The following TRIM2 variants were observed in gnomAD, a reference collection of about 807,000 sequenced individuals.
TRIM2 encodes tripartite motif containing 2, also known as tripartite motif-containing protein 2.
A neutral mutation model predicts 75.2 loss-of-function variants in TRIM2; 20 were observed. That is an observed-to-expected ratio of 0.27 (90% CI 0.19 to 0.39). The LOEUF (loss-of-function observed/expected upper bound fraction) is 0.39, where lower values mean the gene tolerates loss of function less well. Among genes scored for constraint, TRIM2 ranks in the 10% least tolerant of loss-of-function variants. The probability of loss-of-function intolerance (pLI) is 1.00; values close to 1 mark genes in which losing one functional copy is unlikely to be tolerated. For missense variants in TRIM2, 660 were observed against 990.8 expected (o/e 0.67, Z 4.48); for synonymous variants, 373 against 388.3 (o/e 0.96, Z 0.46).
intron 4 of TRIM2, 90 bp downstream of exon 4, chr4:153,293,223 T>C: frequency 7.5e-7 from 1 of 1,330,488 alleles, no homozygotes; most frequent in South Asian, 1.7e-5. Flanking sequence ...AGTAGGTTCA[T>C]ATTTCCCTTG....
intron 6 of TRIM2, 33 bp downstream of exon 6, chr4:153,296,069 G>T: frequency 6.6e-7 from 1 of 1,511,308 alleles, no homozygotes; most frequent in South Asian, 1.4e-5. Context: ...CGACGCCTGA[G>T]CTGGCACTGG....
At position 153,295,395 on chromosome 4, in the gene TRIM2, A is replaced by T; in HGVS notation, c.869A>T (p.Asn290Ile). 1 of 1,614,178 alleles carries T rather than the reference A, an allele frequency of 6.2e-7. No individual in the cohort carries two copies. Among genetic ancestry groups the T allele is most frequent in the Non-Finnish European group, 8.5e-7 (1 of 1,180,000 alleles). The change falls in exon 6 of 12, where the codon AAC (asparagine) becomes ATC (isoleucine). Residue 290 changes from asparagine to isoleucine, a missense_variant. This residue lies in a region of TRIM2 where 620 missense variants were observed against 891.0 expected (regional missense o/e 0.70). Transcript: ENST00000338700. This position sits in a 1 kb window ranked among gnomAD's most constrained non-coding sequence, Gnocchi z 7.2. ...SCSNFTAQAL[N>I]HGTETEVLLV... ...AGCAACTTCACAGCGCAGGCCCTCA[A>T]CCATGGCACGGAGACCGAGGTCCTA...
chr4:153,318,318 G>A lies in TRIM2; in HGVS notation c.1782+2319G>A, dbSNP rs148803190. ...TCATTGTTTTAATGAAATGAGTTACGTAATTGTGAAACTCTCAGATTTGAG... is the reference window on the plus strand; with the variant it reads ...TCATTGTTTTAATGAAATGAGTTACATAATTGTGAAACTCTCAGATTTGAG... On this transcript the variant is annotated intron_variant, in intron 8 of 11. Coordinates refer to ENST00000338700, the MANE Select transcript of TRIM2 (RefSeq NM_015271.5). 7.3e-3 allele frequency among the ~76,000 whole-genome samples: 1,116 copies of A among 152,326 alleles called. 15 individuals are homozygous for A. The highest frequency in any genetic ancestry group is 9.7e-3 in the Non-Finnish European group (659 of 68,034).
At chr4:153,211,959 C>A (rs1296674015) in intron 1 of TRIM2, among the ~76,000 whole-genome samples, 2 of 152,138 alleles carry the variant, frequency 1.3e-5, no homozygotes, top group African/African-American at 4.8e-5. Context: ...CATCTTTTCC[C>A]CGGTAGATGG....
chr4:153,168,411 G>A (rs1730521307), intron 1 of TRIM2, among the ~76,000 whole-genome samples: 1 of 152,106 alleles, frequency 6.6e-6, no homozygotes, highest in African/African-American at 2.4e-5. Context: ...TGATTTCTCT[G>A]TGGTAGGATG....
intron 1 of TRIM2, among the ~76,000 whole-genome samples, chr4:153,213,553 A>G (rs1233696855): frequency 6.6e-6 from 1 of 152,132 alleles, no homozygotes; most frequent in East Asian, 1.9e-4. Flanking sequence ...TTTGAGACAG[A>G]GTCTCGCTCT....
intron 1 of TRIM2, among the ~76,000 whole-genome samples, chr4:153,214,495 A>G (rs2149723708): frequency 6.6e-6 from 1 of 152,360 alleles, no homozygotes; most frequent in East Asian, 1.9e-4. Context: ...ATCTTGGAAC[A>G]AAAGAAACAA....
intron 11 of TRIM2, among the ~76,000 whole-genome samples, 192 bp downstream of exon 11, chr4:153,328,862 A>G (rs1038982736): frequency 6.6e-6 from 1 of 152,192 alleles, no homozygotes; most frequent in Non-Finnish European, 1.5e-5. Flanking sequence ...AACCCTCTAA[A>G]TTGGGGTTTT....
At chr4:153,251,680 C>T (rs986326038) in intron 1 of TRIM2, among the ~76,000 whole-genome samples, 2 of 152,048 alleles carry the variant, frequency 1.3e-5, no homozygotes, top group African/African-American at 4.8e-5. Flanking sequence ...TCTCTTCTAG[C>T]TATTTTGAAA....
At chr4:153,212,182 A>T (rs1737216281) in intron 1 of TRIM2, among the ~76,000 whole-genome samples, 1 of 152,188 alleles carries the variant, frequency 6.6e-6, no homozygotes, top group Admixed American at 6.5e-5. Context: ...TGTGGTACAT[A>T]TACACCATGG....
At chr4:153,205,404 T>A (rs1321024637) in intron 1 of TRIM2, among the ~76,000 whole-genome samples, 2 of 152,002 alleles carry the variant, frequency 1.3e-5, no homozygotes, top group Non-Finnish European at 2.9e-5. Context: ...GCTCACGGGG[T>A]GCGCAAAGGG....
chr4:153,262,347 G>T (rs954444817), intron 1 of TRIM2, among the ~76,000 whole-genome samples: 1 of 152,116 alleles, frequency 6.6e-6, no homozygotes, highest in Non-Finnish European at 1.5e-5. Context: ...CTTGGGTCAG[G>T]GATGAAATCA....
At position 153,253,902 on chromosome 4, in the gene TRIM2, AG is replaced by A. The variant is rs1751442789; in HGVS notation, c.31-16430del. On this transcript the variant is annotated intron_variant, in intron 1 of 11. Coordinates refer to ENST00000338700, the MANE Select transcript of TRIM2 (RefSeq NM_015271.5). ...TGTAAATGGGGAACCAGCAGCCCTC[AG>A]GGCTGCTCTGTCTATGGAGTGGCCA... Among the ~76,000 whole-genome samples, 4 of 152,204 alleles carry A rather than the reference AG, an allele frequency of 2.6e-5. 1 individual carries two copies. In the South Asian group the frequency reaches 8.3e-4, roughly 32 times the overall value.
chr4:153,314,524 C>A (rs7659582), intron 6 of TRIM2, among the ~76,000 whole-genome samples: 3,660 of 150,992 alleles, frequency 0.024, 160 homozygotes, highest in African/African-American at 0.085. Context: ...GACACAGGAG[C>A]ATCGCTTAGG....
chr4:153,162,037 A>G (rs1293702693), intron 1 of TRIM2, among the ~76,000 whole-genome samples: 3 of 152,192 alleles, frequency 2.0e-5, no homozygotes, highest in South Asian at 2.1e-4. Flanking sequence ...CTTTAAGGAA[A>G]AGCTTTCTGT....
At chr4:153,250,120 C>G (rs1388396712) in intron 1 of TRIM2, among the ~76,000 whole-genome samples, 1 of 144,124 alleles carries the variant, frequency 6.9e-6, no homozygotes. Context: ...TTTTTTTTTT[C>G]TTTTCTTTTC....
chr4:153,218,273 T>C (rs1007326664), intron 1 of TRIM2, among the ~76,000 whole-genome samples: 59 of 152,228 alleles, frequency 3.9e-4, no homozygotes, highest in African/African-American at 1.4e-3. Context: ...AGTGGTGCAA[T>C]CACAGCTCAC....
chr4:153,261,546 A>G (rs1753594005), intron 1 of TRIM2, among the ~76,000 whole-genome samples: 1 of 152,190 alleles, frequency 6.6e-6, no homozygotes, highest in Non-Finnish European at 1.5e-5. Flanking sequence ...CTTTAGGATG[A>G]TGTATAATCA....
intron 1 of TRIM2, among the ~76,000 whole-genome samples, chr4:153,244,382 T>TTCC (rs1748209207): frequency 4.3e-5 from 3 of 69,748 alleles, no homozygotes; most frequent in Non-Finnish European, 7.4e-5. Flanking sequence ...CTTCTTCTTC[T>TTCC]TCTTCTTCTT....
Sources: allele counts gnomAD v4.1 joint callset (sites outside exome capture counted in the v4.1 genomes callset), GRCh38; gene constraint gnomAD v4.1.1; regional missense constraint gnomAD v4.1.1; non-coding constraint Gnocchi (gnomAD v3.1); transcripts MANE v1.5; gene names NCBI Gene and HGNC (gene_info 2026-07-23, HGNC 2026-07-21).